Variants in ZNF589 observed in about 807,000 individuals in gnomAD.
ZNF589 encodes zinc finger protein 589, also known as KRAB-zinc finger protein SZF1-1.
Under a neutral mutation model 13.6 loss-of-function variants are expected in ZNF589, and 17 were observed. The observed-to-expected ratio is 1.25, with a 90% CI of 0.86 to 1.88. The LOEUF is 1.88. Ranked by LOEUF, ZNF589 falls within the 40% of genes most tolerant of loss-of-function variation. The pLI, the probability that ZNF589 is intolerant of heterozygous loss-of-function variation, is 0.00. For missense variants in ZNF589, 407 were observed against 434.0 expected, an observed-to-expected ratio of 0.94 and a Z score of 0.55; for synonymous variants, 148 against 161.6, an observed-to-expected ratio of 0.92 and a Z score of 0.64.
rs776151652 is a variant in ZNF589, at chr3:48,267,900, ACTTT to A, written c.224-7_224-4del. ...CTTCCTATGACTCTTCTGACTGGAA[ACTTT>A]CTTTCTTCAGCAGAATCAAAGCCAG... On this transcript the variant is annotated splice_polypyrimidine_tract_variant and intron_variant, in intron 3 of 3. Transcript: ENST00000354698. 30 of 1,591,338 alleles carry A rather than the reference ACTTT, an allele frequency of 1.9e-5. No individual in the cohort carries two copies. The highest frequency in any genetic ancestry group is 1.9e-5 in the Non-Finnish European group (22 of 1,172,658).
Position 48,268,916 on chromosome 3 carries a change from A to T in ZNF589, c.*130A>T. 2 of 1,315,884 alleles carry T rather than the reference A, an allele frequency of 1.5e-6. No individual in the cohort carries two copies. Among genetic ancestry groups the T allele is most frequent in the South Asian group, 2.8e-5 (2 of 70,442 alleles). 81.5% of individuals were successfully genotyped at this position (1,315,884 alleles called of 1,614,324 possible). Reference sequence around the variant, plus strand: ...ATCAACTCTCCTCCTACACCAGTGGACACATTCAGAGGTGAAACCTCACGT... The same window carrying T: ...ATCAACTCTCCTCCTACACCAGTGGTCACATTCAGAGGTGAAACCTCACGT... On this transcript the variant is annotated 3_prime_UTR_variant, in exon 4 of 4. Transcript: ENST00000354698.
chr3:48,255,058 T>C (rs1014811770), intron 2 of ZNF589, among the ~76,000 whole-genome samples: 1 of 152,178 alleles, frequency 6.6e-6, no homozygotes, highest in Non-Finnish European at 1.5e-5. Context: ...TTTCCAGTTA[T>C]CTAGGAAAAA....
rs145335400 is a variant in ZNF589 at position 48,266,655 on chromosome 3, G to A, written c.224-1260G>A. Among the ~76,000 whole-genome samples, 176 of 152,258 alleles carry A rather than the reference G, an allele frequency of 1.2e-3. 2 individuals carry two copies. Among genetic ancestry groups the A allele is most frequent in the Non-Finnish European group, 1.4e-3 (96 of 68,030 alleles). On this transcript the variant is annotated intron_variant, in intron 3 of 3. Transcript: ENST00000354698. Reference sequence around the variant, plus strand: ...GACTAGCCTGGGCAACATGGTGAACGCCGTCACAAAAAAGTTCCTGTTGTT... The same window carrying A: ...GACTAGCCTGGGCAACATGGTGAACACCGTCACAAAAAAGTTCCTGTTGTT...
In ZNF589 at chr3:48,269,086, A is replaced by G. The variant is rs919491023; in HGVS notation, c.*300A>G. The stretch of plus-strand genomic sequence containing the variant: ...TAGTCCTCAATGGACACTGGAGGAC[A>G]CACACGGGAGAGAAGCCTTACACGT... On this transcript the variant is annotated 3_prime_UTR_variant, in exon 4 of 4. Transcript: ENST00000354698. 2.0e-5 allele frequency: 13 copies of G among 649,878 alleles called. No homozygotes were observed. The highest frequency in any genetic ancestry group is 3.0e-5 in the Non-Finnish European group (11 of 372,234). The allele number at this position is 649,878 out of a possible 1,614,324, so 40.3% of individuals were successfully genotyped here. A position where few individuals can be genotyped will look rare whatever the true frequency, so the allele number is the denominator to read the frequency against.
intron 3 of ZNF589, among the ~76,000 whole-genome samples, chr3:48,262,032 A>T (rs2033972967): frequency 6.6e-6 from 1 of 152,154 alleles, no homozygotes; most frequent in Non-Finnish European, 1.5e-5. Flanking sequence ...CACTGTATCC[A>T]TTTCAGGTGT....
intron 2 of ZNF589, among the ~76,000 whole-genome samples, chr3:48,254,036 G>C (rs1256150470): frequency 6.6e-6 from 1 of 152,086 alleles, no homozygotes. Context: ...GCTACATTGA[G>C]CTATTATTAT....
chr3:48,249,421 G>A (rs777677945), intron 2 of ZNF589, among the ~76,000 whole-genome samples: 27 of 152,044 alleles, frequency 1.8e-4, no homozygotes, highest in Non-Finnish European at 3.8e-4. Flanking sequence ...GTTTTCATGC[G>A]CTTCAGAGTA....
In ZNF589 at chr3:48,268,454, C is replaced by T. The variant is rs202092368; in HGVS notation, c.763C>T (p.Arg255Ter). 1.9e-4 allele frequency: 300 copies of T among 1,614,088 alleles called. No homozygotes were observed. The African/African-American group carries it at 3.5e-3, about 19-fold the overall frequency. Residue 255 changes from arginine (R) to a stop codon, truncating the protein, a stop_gained, in exon 4 of 4, where the codon CGA (arginine) becomes TGA (stop). Coordinates refer to ENST00000354698, the MANE Select transcript of ZNF589 (RefSeq NM_016089.3). LOFTEE classifies it low-confidence loss of function (END_TRUNC). ...RQSQVCRECGRGFSRKSQLII... is the reference protein window; with the variant it reads ...RQSQVCRECG ...GTCACAGGTGTGCAGGGAGTGTGGGCGAGGCTTTAGCAGGAAGTCACAGCT... is the reference window on the plus strand; with the variant it reads ...GTCACAGGTGTGCAGGGAGTGTGGGTGAGGCTTTAGCAGGAAGTCACAGCT...
At chr3:48,261,439 G>A (rs1346902335) in intron 3 of ZNF589, among the ~76,000 whole-genome samples, 1 of 152,188 alleles carries the variant, frequency 6.6e-6, no homozygotes, top group African/African-American at 2.4e-5. Flanking sequence ...AGGCCAAGGT[G>A]GTTGGAGTAC....
At chr3:48,247,732 T>G in intron 2 of ZNF589, 55 bp downstream of exon 2, 1 of 1,588,046 alleles carries the variant, frequency 6.3e-7, no homozygotes, top group Non-Finnish European at 8.6e-7. Flanking sequence ...TCTCAGAGAA[T>G]GGGCTCATCT....
At chr3:48,250,179 G>A (rs2033821648) in intron 2 of ZNF589, among the ~76,000 whole-genome samples, 1 of 151,324 alleles carries the variant, frequency 6.6e-6, no homozygotes, top group Non-Finnish European at 1.5e-5. Context: ...TTCCTACTTT[G>A]CAATAGAATG....
intron 2 of ZNF589, among the ~76,000 whole-genome samples, chr3:48,251,840 C>G (rs144457544): frequency 1.3e-5 from 2 of 151,330 alleles, no homozygotes; most frequent in Non-Finnish European, 2.9e-5. Context: ...CCCAGGAGTT[C>G]GAGACCAGCC....
At chr3:48,245,686 G>A (rs974746269) in intron 1 of ZNF589, among the ~76,000 whole-genome samples, 9 of 152,194 alleles carry the variant, frequency 5.9e-5, no homozygotes, top group African/African-American at 2.2e-4. Context: ...GGTGGCTCAC[G>A]CCTGTAATCC....
intron 2 of ZNF589, chr3:48,257,051 A>G (rs1008834908): frequency 1.4e-5 from 7 of 505,804 alleles, no homozygotes; most frequent in Admixed American, 6.8e-5. Flanking sequence ...GCATTTCTGG[A>G]TTTGATTTTC....
intron 2 of ZNF589, chr3:48,256,874 G>A (rs2033909321): frequency 9.8e-7 from 1 of 1,017,694 alleles, no homozygotes; most frequent in Admixed American, 2.0e-5. Context: ...GGTCACTGCT[G>A]GGCCTGCTAG....
Position 48,268,988 on chromosome 3 carries a change from T to C in ZNF589, c.*202T>C. 1.2e-6 allele frequency: 1 copy of C among 801,368 alleles called. No individual in the cohort carries two copies. The highest frequency in any genetic ancestry group is 2.0e-6 in the Non-Finnish European group (1 of 500,622). 49.6% of individuals were successfully genotyped at this position (801,368 alleles called of 1,614,324 possible). A position where few individuals can be genotyped will look rare whatever the true frequency, so the allele number is the denominator to read the frequency against. ...ATTTAGCCAGAAGTCGTCGCTCAAA[T>C]CACATCGGAGAACACACTCAGGGGA... On this transcript the variant is annotated 3_prime_UTR_variant, in exon 4 of 4. Transcript: ENST00000354698.
chr3:48,254,137 T>C (rs2033871133), intron 2 of ZNF589, among the ~76,000 whole-genome samples: 3 of 152,034 alleles, frequency 2.0e-5, no homozygotes, highest in African/African-American at 4.8e-5. Context: ...ATGCCTGTAA[T>C]CCCAGCTACT....
intron 3 of ZNF589, among the ~76,000 whole-genome samples, chr3:48,261,487 TG>T (rs1297629340): frequency 6.6e-6 from 1 of 152,222 alleles, no homozygotes; most frequent in Admixed American, 6.5e-5. Flanking sequence ...ATGCCTTCTA[TG>T]ACCTAGAAGT....
rs760359643 is a variant in ZNF589 at position 48,270,591 on chromosome 3, T to TA, written c.*1806dup. On this transcript the variant is annotated 3_prime_UTR_variant, in exon 4 of 4. Transcript: ENST00000354698. ...TTGGGCTGGGGCTAGCCCTACCTGA[T>TA]ACCCTGTGTCAATGAGTGTACCTTG... The TA allele has an allele frequency of 3.6e-6, 1 of 280,044 alleles. No individual in the cohort carries two copies. Among genetic ancestry groups the TA allele is most frequent in the Non-Finnish European group, 7.0e-6 (1 of 142,594 alleles). 17.3% of individuals were successfully genotyped at this position (280,044 alleles called of 1,614,324 possible).
Sources: allele counts gnomAD v4.1 joint callset (sites outside exome capture counted in the v4.1 genomes callset), GRCh38; gene constraint gnomAD v4.1.1; transcripts MANE v1.5; gene names NCBI Gene and HGNC (gene_info 2026-07-23, HGNC 2026-07-21).